MYOM1: variants seen among roughly 807,000 people sequenced by gnomAD.
The protein encoded by MYOM1 is myomesin-1.
MYOM1 carries 164 observed loss-of-function variants against 205.3 expected under a neutral mutation model. The ratio of observed to expected loss-of-function variants is 0.80; its 90% CI spans 0.70 to 0.91. The LOEUF is 0.91. Among genes scored for constraint, MYOM1 ranks in the 40% least tolerant of loss-of-function variants. MYOM1 has a pLI of 0.00. For synonymous variants in MYOM1, 772 were observed against 789.4 expected (o/e 0.98, Z 0.37); for missense variants, 2,011 against 2,127.3 (o/e 0.95, Z 1.08).
At chr18:3,146,484 T>C (rs1275931597) in intron 13 of MYOM1, among the ~76,000 whole-genome samples, 2 of 152,144 alleles carry the variant, frequency 1.3e-5, no homozygotes, top group Non-Finnish European at 2.9e-5. Context: ...AATTAATCAA[T>C]GTAATTCAAC....
intron 11 of MYOM1, among the ~76,000 whole-genome samples, chr18:3,153,774 G>A (rs1598727623): frequency 1.3e-5 from 2 of 152,300 alleles, no homozygotes; most frequent in East Asian, 3.9e-4. Context: ...AACCCATTGT[G>A]CTAATATGAC....
intron 36 of MYOM1, among the ~76,000 whole-genome samples, chr18:3,074,334 G>C (rs1464438269): frequency 6.6e-6 from 1 of 152,138 alleles, no homozygotes; most frequent in Non-Finnish European, 1.5e-5. Flanking sequence ...CAAGTTTCAG[G>C]TTCAAAGTTC....
At chr18:3,186,349 T>C (rs1469850923) in intron 5 of MYOM1, among the ~76,000 whole-genome samples, 1 of 152,220 alleles carries the variant, frequency 6.6e-6, no homozygotes, top group African/African-American at 2.4e-5. Flanking sequence ...GTGACATTCA[T>C]GTAGTGTTTA....
chr18:3,078,085 A>G, intron 34 of MYOM1, among the ~76,000 whole-genome samples: 1 of 151,374 alleles, frequency 6.6e-6, no homozygotes, highest in East Asian at 1.9e-4. Context: ...TCTGTAGCCC[A>G]GGCTGGAGTA....
intron 33 of MYOM1, among the ~76,000 whole-genome samples, chr18:3,081,086 A>G (rs1326185860): frequency 1.3e-4 from 19 of 151,682 alleles, no homozygotes; most frequent in African/African-American, 4.6e-4. Flanking sequence ...AGCCGGGATC[A>G]CGCCACTGCA....
At chr18:3,101,141 A>G (rs2079370362) in intron 23 of MYOM1, among the ~76,000 whole-genome samples, 1 of 152,224 alleles carries the variant, frequency 6.6e-6, no homozygotes, top group African/African-American at 2.4e-5. Flanking sequence ...TTATGTCAAG[A>G]AATTTACAGC....
Position 3,127,024 on chromosome 18 carries a change from T to C in MYOM1, c.2795-127A>G, listed in dbSNP as rs1192475142. The C allele has an allele frequency of 1.4e-5, 11 of 776,482 alleles. No individual in the cohort carries two copies. The South Asian group carries it at 1.6e-4, about 11-fold the overall frequency. 48.1% of individuals were successfully genotyped at this position (776,482 alleles called of 1,614,324 possible). A position where few individuals can be genotyped will look rare whatever the true frequency, so the allele number is the denominator to read the frequency against. On this transcript the variant is annotated intron_variant, in intron 18 of 37. Transcript: ENST00000356443. ...GTATAAAACTAAAATTCGAGGCTGA[T>C]GAACTTGGCATTGAACTTGGTGAAT...
At chr18:3,105,376 C>A (rs182082450) in intron 22 of MYOM1, among the ~76,000 whole-genome samples, 2 of 152,236 alleles carry the variant, frequency 1.3e-5, no homozygotes, top group Admixed American at 1.3e-4. Context: ...GGATGAAAAG[C>A]TCTTATTGAA....
At chr18:3,109,449 T>C (rs1339882805) in intron 22 of MYOM1, among the ~76,000 whole-genome samples, 2 of 152,230 alleles carry the variant, frequency 1.3e-5, no homozygotes, top group African/African-American at 2.4e-5. Flanking sequence ...AAGTTTGATG[T>C]TCTGCTATCA....
the MYOM1 span, among the ~76,000 whole-genome samples, chr18:3,231,537 T>TA: frequency 8.9e-5 from 13 of 146,534 alleles, no homozygotes; most frequent in African/African-American, 3.1e-4. Context: ...ATGCATCCTT[T>TA]TTTTTTTTTT....
intron 20 of MYOM1, 83 bp downstream of exon 20, chr18:3,119,786 G>C: frequency 1.3e-6 from 2 of 1,511,538 alleles, no homozygotes; most frequent in Non-Finnish European, 8.9e-7. Context: ...TGACCATATA[G>C]TACTTTGAAT....
chr18:3,128,034 T>C (rs1375869853), intron 18 of MYOM1, among the ~76,000 whole-genome samples: 1 of 152,226 alleles, frequency 6.6e-6, no homozygotes, highest in Non-Finnish European at 1.5e-5. Flanking sequence ...TACATCTAGA[T>C]ATGCAATAAC....
chr18:3,110,892 G>A (rs760889669), intron 22 of MYOM1, among the ~76,000 whole-genome samples: 8 of 150,822 alleles, frequency 5.3e-5, no homozygotes, highest in Non-Finnish European at 7.4e-5. Flanking sequence ...TGAAAACTAC[G>A]GTTCTAGCAG....
intron 25 of MYOM1, among the ~76,000 whole-genome samples, chr18:3,096,207 GGTTT>G (rs1567903367): frequency 2.0e-5 from 3 of 152,132 alleles, no homozygotes. Flanking sequence ...AGACCACCTG[GGTTT>G]AACCAGCTGT....
At chr18:3,071,719 A>T (rs2078960511) in intron 37 of MYOM1, 115 bp downstream of exon 37, 2 of 975,430 alleles carry the variant, frequency 2.1e-6, no homozygotes, top group Non-Finnish European at 3.2e-6. Flanking sequence ...GCAGCTATGG[A>T]GTACGATGAA....
intron 5 of MYOM1, among the ~76,000 whole-genome samples, chr18:3,183,248 G>A (rs928312084): frequency 6.6e-6 from 1 of 152,154 alleles, no homozygotes; most frequent in African/African-American, 2.4e-5. Context: ...CTTTTCTACC[G>A]AGGCCAGTGC....
chr18:3,093,334 G>A (rs1450099384), intron 26 of MYOM1, among the ~76,000 whole-genome samples: 3 of 152,144 alleles, frequency 2.0e-5, no homozygotes, highest in South Asian at 2.1e-4. Flanking sequence ...CTTCAGTACT[G>A]CTGGGCACTG....
chr18:3,084,967 C>T (rs2079132367), intron 31 of MYOM1, 78 bp downstream of exon 31: 3 of 1,084,662 alleles, frequency 2.8e-6, no homozygotes, highest in Non-Finnish European at 1.3e-6. Flanking sequence ...TTTCAATCGT[C>T]AGCTCGGCCT....
chr18:3,087,382 G>C (rs540600208), intron 29 of MYOM1, among the ~76,000 whole-genome samples: 1 of 150,642 alleles, frequency 6.6e-6, no homozygotes, highest in Non-Finnish European at 1.5e-5. Flanking sequence ...TTGTCTCCTT[G>C]CATCTGAGCT....
Sources: allele counts gnomAD v4.1 joint callset (sites outside exome capture counted in the v4.1 genomes callset), GRCh38; gene constraint gnomAD v4.1.1; transcripts MANE v1.5; gene names NCBI Gene and HGNC (gene_info 2026-07-23, HGNC 2026-07-21).